Variants in STK32B observed in about 807,000 individuals in gnomAD.
STK32B encodes serine/threonine kinase 32B.
Under a neutral mutation model 52.6 loss-of-function variants are expected in STK32B, and 43 were observed. The observed-to-expected ratio is 0.82, with a 90% CI of 0.64 to 1.05. The LOEUF (loss-of-function observed/expected upper bound fraction) is 1.05. Among genes scored for constraint, STK32B ranks in the 50% least tolerant of loss-of-function variants. The pLI is 0.00. For missense variants in STK32B, 621 were observed against 534.6 expected (o/e 1.16, Z -1.59); for synonymous variants, 238 against 204.3 (o/e 1.17, Z -1.41).
chr4:5,241,682 C>A (rs1158017317), intron 3 of STK32B, among the ~76,000 whole-genome samples: 2 of 151,952 alleles, frequency 1.3e-5, no homozygotes, highest in Admixed American at 6.6e-5. Flanking sequence ...CCCATTAACT[C>A]ATCATTTAGC....
intron 1 of STK32B, among the ~76,000 whole-genome samples, chr4:5,117,968 G>C (rs1460387658): frequency 1.3e-5 from 2 of 152,100 alleles, no homozygotes; most frequent in Non-Finnish European, 2.9e-5. Context: ...GAATTTTGTT[G>C]AGGATTTTTG....
intron 1 of STK32B, among the ~76,000 whole-genome samples, chr4:5,069,382 C>T (rs960636859): frequency 1.3e-5 from 2 of 152,076 alleles, no homozygotes; most frequent in African/African-American, 4.8e-5. Flanking sequence ...GCTCTCTAAA[C>T]TACGTTCCAC....
At chr4:5,089,347 C>T (rs746929327) in intron 1 of STK32B, among the ~76,000 whole-genome samples, 26 of 152,108 alleles carry the variant, frequency 1.7e-4, no homozygotes, top group Admixed American at 8.5e-4. Context: ...CAACCCCATC[C>T]CACAACAGGC....
rs1730910614 is a variant in STK32B at position 5,316,877 on chromosome 4, ATATAT to A, written c.261-14337_261-14333del. On this transcript the variant is annotated intron_variant, in intron 3 of 11. Transcript: ENST00000282908. ...TTATATATATTATATATTATATATAATATATTATATATATTATATATAATATATAA... is the reference window on the plus strand; with the variant it reads ...TTATATATATTATATATTATATATAATATATATATTATATATAATATATAA... Among the ~76,000 whole-genome samples the A allele has an allele frequency of 4.6e-4, 2 of 4,308 alleles. 1 individual carries two copies. The highest frequency in any genetic ancestry group is 4.1e-3 in the African/African-American group (2 of 492). The allele number at this position is 4,308 out of a possible 152,430, so 2.8% of individuals were successfully genotyped here.
intron 3 of STK32B, among the ~76,000 whole-genome samples, chr4:5,319,208 C>G (rs1164046912): frequency 6.6e-6 from 1 of 152,170 alleles, no homozygotes; most frequent in East Asian, 1.9e-4. Context: ...GACGTAAACA[C>G]CACAATAATT....
chr4:5,429,631 C>A (rs867441344), intron 6 of STK32B, among the ~76,000 whole-genome samples: 13 of 151,972 alleles, frequency 8.6e-5, no homozygotes, highest in African/African-American at 3.1e-4. Flanking sequence ...TAAAAAAAAA[C>A]TTTGCATTTA....
intron 6 of STK32B, among the ~76,000 whole-genome samples, chr4:5,436,272 G>A (rs748141416): frequency 7.9e-5 from 12 of 152,190 alleles, no homozygotes; most frequent in African/African-American, 2.4e-4. Context: ...ATCAGCACAC[G>A]AAAGGCTCTG....
the STK32B span, among the ~76,000 whole-genome samples, chr4:5,020,451 T>C: frequency 6.6e-6 from 1 of 152,310 alleles, no homozygotes; most frequent in South Asian, 2.1e-4. Flanking sequence ...TGATCGGAGC[T>C]AATAGCACTG....
intron 3 of STK32B, among the ~76,000 whole-genome samples, chr4:5,254,089 CT>C (rs1457645428): frequency 6.6e-5 from 10 of 151,178 alleles, no homozygotes; most frequent in African/African-American, 2.5e-4. Context: ...CCAGCTGAAT[CT>C]TTTTTTGTAG....
chr4:5,387,057 G>A (rs912775024), intron 4 of STK32B, among the ~76,000 whole-genome samples: 3 of 152,208 alleles, frequency 2.0e-5, no homozygotes, highest in Admixed American at 6.5e-5. Flanking sequence ...ACTGCTGAAC[G>A]TGAATGACAT....
intron 1 of STK32B, among the ~76,000 whole-genome samples, chr4:5,052,818 G>T (rs1241204046): frequency 6.6e-6 from 1 of 152,186 alleles, no homozygotes; most frequent in African/African-American, 2.4e-5. Flanking sequence ...TGACTCGCCA[G>T]TCTCCACTGT....
At chr4:5,025,171 G>A in the STK32B span, among the ~76,000 whole-genome samples, 43 of 152,170 alleles carry the variant, frequency 2.8e-4, no homozygotes, top group African/African-American at 9.9e-4. Context: ...TTTTCTACTC[G>A]GGGCTGTTTC....
chr4:5,499,123 CTGCCCTGCCCACCCAGAGCCCCTCTTTG>C lies in STK32B; in HGVS notation c.*48_*75del. ...CTGCTCAACAGGACTGCACTCGTCT[CTGCCCTGCCCACCCAGAGCCCCTCTTTG>C]TGCCCTGATGGTCCCTGTCTCACCC... On this transcript the variant is annotated 3_prime_UTR_variant, in exon 12 of 12. Coordinates refer to ENST00000282908, the MANE Select transcript of STK32B (RefSeq NM_018401.3). 1 of 1,558,486 alleles carries C rather than the reference CTGCCCTGCCCACCCAGAGCCCCTCTTTG, an allele frequency of 6.4e-7. No individual in the cohort carries two copies. The highest frequency in any genetic ancestry group is 1.2e-5 in the South Asian group (1 of 83,074).
At chr4:5,210,014 A>G (rs1434412271) in intron 3 of STK32B, among the ~76,000 whole-genome samples, 1 of 152,238 alleles carries the variant, frequency 6.6e-6, no homozygotes, top group Non-Finnish European at 1.5e-5. Flanking sequence ...ATTTGGATGT[A>G]ACAGCACAAT....
chr4:5,244,539 A>G lies in STK32B; in HGVS notation c.260+76089A>G, dbSNP rs545020414. The stretch of plus-strand genomic sequence containing the variant: ...TTTGAAAAAACTAGCTCCTGGATTC[A>G]TTGATTATTTGAAGGGTTTTTTGTG... On this transcript the variant is annotated intron_variant, in intron 3 of 11. Coordinates refer to ENST00000282908, the MANE Select transcript of STK32B (RefSeq NM_018401.3). Among the ~76,000 whole-genome samples, 196 of 152,166 alleles carry G rather than the reference A, an allele frequency of 1.3e-3. 2 individuals are homozygous for G. The highest frequency in any genetic ancestry group is 4.5e-3 in the African/African-American group (186 of 41,510).
intron 3 of STK32B, among the ~76,000 whole-genome samples, chr4:5,178,113 C>T (rs1381237398): frequency 2.0e-5 from 3 of 152,230 alleles, no homozygotes; most frequent in Admixed American, 1.3e-4. Context: ...AGAGGTTCTC[C>T]ATAAGGGCTC....
Position 5,499,062 on chromosome 4 carries a change from C to T in STK32B, c.1224C>T (p.Cys408=). 1 of 1,612,174 alleles carries T rather than the reference C, an allele frequency of 6.2e-7. No homozygotes were observed. Among genetic ancestry groups the T allele is most frequent in the Non-Finnish European group, 8.5e-7 (1 of 1,178,896 alleles). The part of the protein sequence containing the change: ...GCNNNLLTHT[C]TRGCSS Reference sequence around the variant, plus strand: ...ACAACAACCTCCTCACCCACACCTGCACCCGTGGCTGCAGCAGCTGAGCCC... The same window carrying T: ...ACAACAACCTCCTCACCCACACCTGTACCCGTGGCTGCAGCAGCTGAGCCC... The change falls in exon 12 of 12, where the codon TGC becomes TGT. Residue 408 remains cysteine (C), a synonymous_variant. Transcript: ENST00000282908.
At chr4:5,420,942 C>G (rs1162352864) in intron 6 of STK32B, among the ~76,000 whole-genome samples, 2 of 152,136 alleles carry the variant, frequency 1.3e-5, no homozygotes, top group Non-Finnish European at 2.9e-5. Context: ...TCTTGTCACC[C>G]AAGCTAGAGT....
chr4:5,070,528 A>G lies in STK32B; in HGVS notation c.52+18613A>G, dbSNP rs190519451. On this transcript the variant is annotated intron_variant, in intron 1 of 11. Coordinates refer to ENST00000282908, the MANE Select transcript of STK32B (RefSeq NM_018401.3). ...TAGGTTGAATTGTGTCTTCCAAAAT[A>G]AGACGTGTAGAAGCCCAAACTCTGA... 3.1e-3 allele frequency among the ~76,000 whole-genome samples: 470 copies of G among 152,176 alleles called. 5 individuals are homozygous for G. Among genetic ancestry groups the G allele is most frequent in the African/African-American group, 0.011 (457 of 41,540 alleles).
Sources: allele counts gnomAD v4.1 joint callset (sites outside exome capture counted in the v4.1 genomes callset), GRCh38; gene constraint gnomAD v4.1.1; transcripts MANE v1.5; gene names NCBI Gene and HGNC (gene_info 2026-07-23, HGNC 2026-07-21).